The following VIPR2 variants were observed in gnomAD, a reference collection of about 807,000 sequenced individuals.
VIPR2 encodes vasoactive intestinal polypeptide receptor 2.
In VIPR2, 48 loss-of-function variants were observed where a neutral mutation model predicts 58.0. That is an observed-to-expected ratio of 0.83 (90% CI 0.66 to 1.05). The LOEUF is 1.05. Ranked by LOEUF, VIPR2 falls within the 50% of genes least tolerant of loss-of-function variation. The probability of loss-of-function intolerance (pLI) is 0.00; values close to 1 mark genes in which losing one functional copy is unlikely to be tolerated. For missense variants in VIPR2, 534 were observed against 558.0 expected, an observed-to-expected ratio of 0.96 and a Z score of 0.43; for synonymous variants, 243 against 235.2, an observed-to-expected ratio of 1.03 and a Z score of -0.30.
chr7:159,081,015 TC>T (rs1290702601), intron 4 of VIPR2, among the ~76,000 whole-genome samples: 2 of 152,334 alleles, frequency 1.3e-5, no homozygotes, highest in East Asian at 3.9e-4. Flanking sequence ...GTAGGAATAA[TC>T]AATACCGTGA....
In VIPR2 at chr7:159,029,370, C is replaced by T. The variant is rs1003158015; in HGVS notation, c.*1246G>A. ...GATATCCCCACCCTTCTGCAGCTGG[C>T]TCAGCAACGTCCCCAGACACCCTCC... is the stretch of plus-strand genomic sequence containing the variant. On this transcript the variant is annotated 3_prime_UTR_variant, in exon 13 of 13. Coordinates refer to ENST00000262178, the MANE Select transcript of VIPR2 (RefSeq NM_003382.5). The T allele has an allele frequency of 3.3e-5, 5 of 152,384 alleles. No homozygotes were observed. Among genetic ancestry groups the T allele is most frequent in the African/African-American group, 1.2e-4 (5 of 41,582 alleles). The allele number at this position is 152,384 out of a possible 1,614,324, so 9.4% of individuals were successfully genotyped here. A position where few individuals can be genotyped will look rare whatever the true frequency, so the allele number is the denominator to read the frequency against.
intron 4 of VIPR2, among the ~76,000 whole-genome samples, chr7:159,081,646 C>T (rs1856909649): frequency 6.6e-6 from 1 of 152,072 alleles, no homozygotes; most frequent in South Asian, 2.1e-4. Flanking sequence ...AGAGCTTCTG[C>T]ACAGCAAAAG....
At chr7:159,088,176 T>C (rs1008762811) in intron 4 of VIPR2, among the ~76,000 whole-genome samples, 6 of 152,224 alleles carry the variant, frequency 3.9e-5, no homozygotes, top group African/African-American at 1.4e-4. Context: ...TCCATCAGCC[T>C]TGACTGTTGC....
chr7:159,035,620 C>A (rs971589747), intron 8 of VIPR2: 3 of 934,174 alleles, frequency 3.2e-6, no homozygotes, highest in Non-Finnish European at 3.8e-6. Context: ...CACTTTGCTC[C>A]GGGTAAACAA....
chr7:159,037,036 G>C, intron 6 of VIPR2, 134 bp from the exon 7 acceptor site: 1 of 1,133,924 alleles, frequency 8.8e-7, no homozygotes. Context: ...CATTGGGAAG[G>C]AAAGTGATTA....
At chr7:159,033,390 C>T (rs1449004724) in intron 10 of VIPR2, among the ~76,000 whole-genome samples, 16 of 152,236 alleles carry the variant, frequency 1.1e-4, no homozygotes, top group East Asian at 3.9e-4. Flanking sequence ...CTTCCACCCC[C>T]GGTCAGTCTG....
chr7:159,130,485 G>T (rs1796857500), intron 2 of VIPR2, among the ~76,000 whole-genome samples: 1 of 151,322 alleles, frequency 6.6e-6, no homozygotes, highest in Admixed American at 6.5e-5. Flanking sequence ...CTGACACCAT[G>T]GCTCCACCTG....
intron 4 of VIPR2, among the ~76,000 whole-genome samples, chr7:159,061,583 G>A (rs984061179): frequency 2.6e-5 from 4 of 152,054 alleles, no homozygotes; most frequent in Non-Finnish European, 5.9e-5. Flanking sequence ...GTGCCAGGAA[G>A]GTGGAGGCTG....
At chr7:159,084,404 G>A (rs748906900) in intron 4 of VIPR2, among the ~76,000 whole-genome samples, 34 of 152,232 alleles carry the variant, frequency 2.2e-4, no homozygotes, top group African/African-American at 7.0e-4. Flanking sequence ...AACAGCGTGA[G>A]GCAGGAGACA....
At chr7:159,101,655 C>T (rs1480163003) in intron 4 of VIPR2, among the ~76,000 whole-genome samples, 16 of 143,076 alleles carry the variant, frequency 1.1e-4, no homozygotes, top group African/African-American at 3.4e-4. Context: ...AGGCCGTTCC[C>T]CCGACTGTTC....
At chr7:159,060,475 C>T (rs1033269888) in intron 4 of VIPR2, among the ~76,000 whole-genome samples, 5 of 152,126 alleles carry the variant, frequency 3.3e-5, no homozygotes, top group African/African-American at 9.7e-5. Context: ...ATACTCACTT[C>T]GCTTACCCAC....
chr7:159,066,048 C>T (rs1006230066), intron 4 of VIPR2, among the ~76,000 whole-genome samples: 23 of 149,492 alleles, frequency 1.5e-4, no homozygotes, highest in African/African-American at 5.6e-4. Flanking sequence ...TGGGATTCCA[C>T]GATGCCTGCT....
Position 159,098,314 on chromosome 7 carries a change from G to A in VIPR2, c.357+5443C>T, listed in dbSNP as rs1024271820. ...TGGTGCTCGAGAACTGTGGCTTACA[G>A]TGCGGGTGGGCAAGCGGAGAGGAGC... On this transcript the variant is annotated intron_variant, in intron 4 of 12. Transcript: ENST00000262178. This position sits in a 1 kb window ranked among gnomAD's most constrained non-coding sequence, Gnocchi z 5.2. 6.6e-6 allele frequency among the ~76,000 whole-genome samples: 1 copy of A among 152,174 alleles called. No homozygotes were observed. Among genetic ancestry groups the A allele is most frequent in the African/African-American group, 2.4e-5 (1 of 41,452 alleles).
chr7:159,084,078 G>C (rs1857047314), intron 4 of VIPR2, among the ~76,000 whole-genome samples: 1 of 152,254 alleles, frequency 6.6e-6, no homozygotes, highest in African/African-American at 2.4e-5. Context: ...TTTGTGTAAT[G>C]ATGAACGTCT....
At chr7:159,061,609 C>A (rs1855656123) in intron 4 of VIPR2, among the ~76,000 whole-genome samples, 1 of 151,716 alleles carries the variant, frequency 6.6e-6, no homozygotes, top group Admixed American at 6.6e-5. Flanking sequence ...GCTGTGATCA[C>A]ACCACTGCTC....
At position 159,097,292 on chromosome 7, in the gene VIPR2, A is replaced by C. The variant is rs142324578; in HGVS notation, c.357+6465T>G. On this transcript the variant is annotated intron_variant, in intron 4 of 12. Coordinates refer to ENST00000262178, the MANE Select transcript of VIPR2 (RefSeq NM_003382.5). This position sits in a 1 kb window ranked among gnomAD's most constrained non-coding sequence, Gnocchi z 5.3. Reference sequence around the variant, plus strand: ...TTAGGGATGTGGCGTAACACGGAAGAAATGTGTGCACTTGAAGCATGGGGA... The same window carrying C: ...TTAGGGATGTGGCGTAACACGGAAGCAATGTGTGCACTTGAAGCATGGGGA... 4 of 1,337,462 alleles carry C rather than the reference A, an allele frequency of 3.0e-6. No individual in the cohort carries two copies. Among genetic ancestry groups the C allele is most frequent in the Non-Finnish European group, 3.8e-6 (4 of 1,042,864 alleles). The allele number at this position is 1,337,462 out of a possible 1,614,324, so 82.8% of individuals were successfully genotyped here.
At chr7:159,082,286 T>C (rs1856945454) in intron 4 of VIPR2, among the ~76,000 whole-genome samples, 2 of 152,120 alleles carry the variant, frequency 1.3e-5, no homozygotes, top group African/African-American at 2.4e-5. Context: ...TATGCAGCCA[T>C]AAAAAATGAT....
chr7:159,059,292 C>A (rs905292926), intron 4 of VIPR2: 9 of 471,210 alleles, frequency 1.9e-5, no homozygotes, highest in African/African-American at 4.0e-5. Context: ...ACCTGCAGGG[C>A]ATCATCATCA....
chr7:159,067,200 C>T (rs558025187), intron 4 of VIPR2, among the ~76,000 whole-genome samples: 60 of 152,286 alleles, frequency 3.9e-4, no homozygotes, highest in African/African-American at 1.3e-3. Context: ...CCACCATTCA[C>T]CCACACGAGC....
Sources: gnomAD v4.1 joint callset for allele counts (sites outside exome capture counted in the v4.1 genomes callset) on GRCh38, gnomAD v4.1.1 for gene constraint, Gnocchi (gnomAD v3.1) non-coding constraint, MANE v1.5 for transcripts, NCBI Gene and HGNC (gene_info 2026-07-23, HGNC 2026-07-21) for gene names.